FBN2: variants seen among roughly 807,000 people sequenced by gnomAD.
FBN2 encodes the protein fibrillin 2.
In FBN2, 105 loss-of-function variants were observed where a neutral mutation model predicts 355.6. The ratio of observed to expected loss-of-function variants is 0.30; its 90% CI spans 0.25 to 0.35. FBN2 has a LOEUF of 0.35. Among genes scored for constraint, FBN2 ranks in the 10% least tolerant of loss-of-function variants. The probability of loss-of-function intolerance (pLI) is 1.00; values close to 1 mark genes in which losing one functional copy is unlikely to be tolerated. For missense variants in FBN2, 3,280 were observed against 3,758.7 expected (o/e 0.87, Z 3.33); for synonymous variants, 1,350 against 1,301.2 (o/e 1.04, Z -0.81).
At chr5:128,356,347 G>T (rs560172808) in intron 20 of FBN2, among the ~76,000 whole-genome samples, 1 of 152,262 alleles carries the variant, frequency 6.6e-6, no homozygotes, top group African/African-American at 2.4e-5. Flanking sequence ...AGGTACTCTA[G>T]CATCCAGCTA....
chr5:128,318,895 T>C lies in FBN2; in HGVS notation c.4578A>G (p.Thr1526=). ...TGACCATACCTGTACAGTTCCCTCC[T>C]GTTCTGTCCAATTCATAACCATCAT... The part of the protein sequence containing the change: ...ICDDGYELDR[T]GGNCTDIDEC... The change falls in exon 35 of 65, where the codon ACA becomes ACG. Residue 1526 remains threonine, a synonymous_variant. Transcript: ENST00000262464. The C allele has an allele frequency of 6.2e-7, 1 of 1,613,580 alleles. No individual in the cohort carries two copies. Among genetic ancestry groups the C allele is most frequent in the Non-Finnish European group, 8.5e-7 (1 of 1,179,634 alleles).
chr5:128,481,087 G>C (rs1285045361), intron 5 of FBN2, among the ~76,000 whole-genome samples: 1 of 151,928 alleles, frequency 6.6e-6, no homozygotes, highest in Admixed American at 6.6e-5. Context: ...TGGAATCAAA[G>C]CCAGGTTTCA....
At chr5:128,510,742 C>A (rs547853788) in intron 5 of FBN2, among the ~76,000 whole-genome samples, 1 of 152,228 alleles carries the variant, frequency 6.6e-6, no homozygotes, top group South Asian at 2.1e-4. Flanking sequence ...AATCCCCAAA[C>A]GACAAGCCAT....
intron 34 of FBN2, among the ~76,000 whole-genome samples, chr5:128,323,025 T>C (rs896664525): frequency 6.6e-6 from 1 of 152,170 alleles, no homozygotes; most frequent in Non-Finnish European, 1.5e-5. Flanking sequence ...TTTATTCTCT[T>C]TGTAGCAATT....
chr5:128,527,763 C>A (rs1033696779), intron 4 of FBN2, 109 bp downstream of exon 4: 9 of 768,004 alleles, frequency 1.2e-5, no homozygotes, highest in Non-Finnish European at 1.6e-5. Context: ...TGGTTTACTA[C>A]ATAAAATTGT....
chr5:128,509,684 T>C lies in FBN2; in HGVS notation c.628+9589A>G, dbSNP rs138794103. Among the ~76,000 whole-genome samples the C allele has an allele frequency of 5.3e-4, 81 of 152,284 alleles. No homozygotes were observed. In the East Asian group the frequency reaches 0.013, roughly 24 times the overall value. ...TTTTACTTTATTTAGTGCTTAATAT[T>C]TTTGTATTCTTATAAATATTCTTAA... On this transcript the variant is annotated intron_variant, in intron 5 of 64. Coordinates refer to ENST00000262464, the MANE Select transcript of FBN2 (RefSeq NM_001999.4).
intron 13 of FBN2, among the ~76,000 whole-genome samples, 170 bp from the exon 14 acceptor site, chr5:128,377,023 A>G (rs1214086367): frequency 6.6e-6 from 1 of 152,180 alleles, no homozygotes; most frequent in Non-Finnish European, 1.5e-5. Flanking sequence ...AATAGTGCGG[A>G]GAGTGGAAAG....
chr5:128,349,610 C>T (rs1751289028), intron 22 of FBN2, 138 bp from the exon 23 acceptor site: 1 of 1,104,748 alleles, frequency 9.1e-7, no homozygotes, highest in Non-Finnish European at 1.3e-6. Flanking sequence ...AGAAATATTC[C>T]ACAACCGAGC....
At chr5:128,461,995 TA>T (rs1004559068) in intron 6 of FBN2, among the ~76,000 whole-genome samples, 1 of 152,116 alleles carries the variant, frequency 6.6e-6, no homozygotes, top group Non-Finnish European at 1.5e-5. Context: ...ATAAATAAAA[TA>T]AAGTTACTGA....
rs566706901 is a variant in FBN2 at position 128,313,084 on chromosome 5, G to T, written c.4718-289C>A. On this transcript the variant is annotated intron_variant, in intron 36 of 64. Coordinates refer to ENST00000262464, the MANE Select transcript of FBN2 (RefSeq NM_001999.4). ...GAAATTTCTCATTTGGGACATACTG[G>T]ACCTCCAATAATAGGAATACAATAC... Among the ~76,000 whole-genome samples the T allele has an allele frequency of 4.5e-4, 68 of 152,228 alleles. 1 individual carries two copies. The highest frequency in any genetic ancestry group is 8.2e-4 in the Non-Finnish European group (56 of 68,016).
At chr5:128,513,449 A>G (rs961096541) in intron 5 of FBN2, among the ~76,000 whole-genome samples, 3 of 152,276 alleles carry the variant, frequency 2.0e-5, no homozygotes, top group Admixed American at 6.5e-5. Context: ...AGTTAAAAAT[A>G]TAAAATATTC....
intron 36 of FBN2, among the ~76,000 whole-genome samples, chr5:128,315,803 A>G (rs915487950): frequency 6.6e-6 from 1 of 152,184 alleles, no homozygotes; most frequent in Admixed American, 6.5e-5. Context: ...AGTTCTTTCT[A>G]TTGACTAAGT....
chr5:128,527,109 T>C (rs918319091), intron 4 of FBN2, among the ~76,000 whole-genome samples: 3 of 152,164 alleles, frequency 2.0e-5, no homozygotes, highest in Non-Finnish European at 4.4e-5. Flanking sequence ...ATATTTGTGA[T>C]TCAATTTCAG....
chr5:128,297,665 C>CT (rs1195181115), intron 48 of FBN2, among the ~76,000 whole-genome samples: 1 of 151,982 alleles, frequency 6.6e-6, no homozygotes, highest in Non-Finnish European at 1.5e-5. Flanking sequence ...CAACCCCTGC[C>CT]TTTTTTTGTT....
At chr5:128,391,922 A>G in intron 11 of FBN2, 96 bp downstream of exon 11, 4 of 1,181,734 alleles carry the variant, frequency 3.4e-6, no homozygotes, top group Non-Finnish European at 5.0e-6. Context: ...CTGTATTTCA[A>G]AAGACTTAAA....
chr5:128,468,527 T>C (rs975912176), intron 5 of FBN2, among the ~76,000 whole-genome samples: 2 of 152,246 alleles, frequency 1.3e-5, no homozygotes, highest in African/African-American at 4.8e-5. Flanking sequence ...TTTAACTTTC[T>C]ACGAAACTGC....
intron 48 of FBN2, among the ~76,000 whole-genome samples, chr5:128,293,254 G>A (rs971909147): frequency 3.3e-5 from 5 of 152,164 alleles, no homozygotes; most frequent in Non-Finnish European, 7.3e-5. Context: ...CACTTTGGGA[G>A]GCCGAGGCCA....
At chr5:128,273,597 G>A (rs1349154626) in intron 61 of FBN2, among the ~76,000 whole-genome samples, 1 of 152,122 alleles carries the variant, frequency 6.6e-6, no homozygotes, top group East Asian at 1.9e-4. Context: ...TCAGATCCAT[G>A]ATTAGTCAAC....
intron 11 of FBN2, among the ~76,000 whole-genome samples, chr5:128,387,987 G>A (rs562986887): frequency 6.6e-6 from 1 of 152,152 alleles, no homozygotes; most frequent in Non-Finnish European, 1.5e-5. Flanking sequence ...ACAACTCTTT[G>A]TAGGTCTCTA....
Sources: gnomAD v4.1 joint callset for allele counts (sites outside exome capture counted in the v4.1 genomes callset) on GRCh38, gnomAD v4.1.1 for gene constraint, MANE v1.5 for transcripts, NCBI Gene and HGNC (gene_info 2026-07-23, HGNC 2026-07-21) for gene names.